The following DNAH3 variants were observed in gnomAD, a reference collection of about 807,000 sequenced individuals.
DNAH3 encodes the protein axonemal beta dynein heavy chain 3.
DNAH3 carries 332 observed loss-of-function variants against 432.5 expected under a neutral mutation model. That is an observed-to-expected ratio of 0.77 (90% CI 0.70 to 0.84). DNAH3 has a LOEUF of 0.84. DNAH3 is among the 40% of genes least tolerant of loss of function. DNAH3 has a pLI of 0.00. For synonymous variants in DNAH3, 1,956 were observed against 1,900.2 expected, an observed-to-expected ratio of 1.03 and a Z score of -0.76; for missense variants, 4,861 against 5,114.0, an observed-to-expected ratio of 0.95 and a Z score of 1.51.
chr16:21,039,213 G>GTTTTTTTTTTTTTTTTTTTT (rs1567681489), intron 33 of DNAH3, among the ~76,000 whole-genome samples: 3 of 103,628 alleles, frequency 2.9e-5, no homozygotes, highest in South Asian at 3.5e-4. Context: ...TTATAGTGTT[G>GTTTTTTTTTTTTTTTTTTTT]CTTTTTTTTT....
intron 44 of DNAH3, among the ~76,000 whole-genome samples, chr16:20,991,203 T>C (rs2086540501): frequency 6.6e-6 from 1 of 152,136 alleles, no homozygotes; most frequent in East Asian, 1.9e-4. Context: ...ACCATCCAAG[T>C]GTTTATTTGT....
intron 44 of DNAH3, among the ~76,000 whole-genome samples, chr16:20,990,764 G>A (rs1757052637): frequency 6.6e-6 from 1 of 152,080 alleles, no homozygotes; most frequent in South Asian, 2.1e-4. Flanking sequence ...GCTCACTCCT[G>A]TAATCCCAGC....
intron 19 of DNAH3, 135 bp downstream of exon 19, chr16:21,086,714 T>C (rs1597348791): frequency 1.3e-6 from 1 of 767,990 alleles, no homozygotes; most frequent in African/African-American, 1.7e-5. Flanking sequence ...TCTCATTTGC[T>C]ATCCCTTTGC....
In DNAH3 at chr16:20,952,565, C is replaced by T. The variant is rs1009078791; in HGVS notation, c.11072-16G>A. 2 of 1,502,986 alleles carry T rather than the reference C, an allele frequency of 1.3e-6. No individual in the cohort carries two copies. Among genetic ancestry groups the T allele is most frequent in the Non-Finnish European group, 1.9e-6 (2 of 1,079,690 alleles). 93.1% of individuals were successfully genotyped at this position (1,502,986 alleles called of 1,614,324 possible). A position where few individuals can be genotyped will look rare whatever the true frequency, so the allele number is the denominator to read the frequency against. ...ATATTCCACCCTGCGTGTGGGAGAG[C>T]AGAGAGAGGCTTCAGTGCTGAGAGC... is the stretch of plus-strand genomic sequence containing the variant. On this transcript the variant is annotated splice_polypyrimidine_tract_variant and intron_variant, in intron 55 of 61. Transcript: ENST00000261383.
chr16:21,029,667 T>G (rs2088772475), intron 37 of DNAH3, among the ~76,000 whole-genome samples: 1 of 152,232 alleles, frequency 6.6e-6, no homozygotes, highest in South Asian at 2.1e-4. Context: ...GGCGCCATAC[T>G]TACTGTGTTA....
intron 41 of DNAH3, among the ~76,000 whole-genome samples, chr16:21,017,145 C>A (rs1597148034): frequency 6.6e-6 from 1 of 152,084 alleles, no homozygotes; most frequent in Admixed American, 6.6e-5. Flanking sequence ...TACAAATGGT[C>A]AAAATGGTAA....
chr16:21,104,109 A>AT (rs2091896941), intron 16 of DNAH3: 1 of 179,740 alleles, frequency 5.6e-6, no homozygotes. Flanking sequence ...TATTATCTTG[A>AT]TATCTTGATA....
intron 15 of DNAH3, 80 bp from the exon 16 acceptor site, chr16:21,104,674 C>T: frequency 2.5e-6 from 2 of 800,502 alleles, no homozygotes; most frequent in Non-Finnish European, 2.1e-6. Context: ...TTAGACAGAA[C>T]AAGAGGTCAA....
At chr16:20,978,184 A>AAC (rs2085683772) in intron 50 of DNAH3, among the ~76,000 whole-genome samples, 1 of 152,188 alleles carries the variant, frequency 6.6e-6, no homozygotes, top group East Asian at 1.9e-4. Context: ...TCATCTTCAT[A>AAC]ACAGCCCTAT....
chr16:20,992,458 G>A (rs541073177), intron 44 of DNAH3, among the ~76,000 whole-genome samples: 3 of 152,272 alleles, frequency 2.0e-5, no homozygotes, highest in South Asian at 2.1e-4. Flanking sequence ...CCATTCTCCC[G>A]CCTCAGCCTC....
At chr16:21,042,283 A>G in intron 31 of DNAH3, 80 bp from the exon 32 acceptor site, 2 of 1,425,870 alleles carry the variant, frequency 1.4e-6, no homozygotes, top group South Asian at 2.9e-5. Flanking sequence ...CCTCCCACAT[A>G]GCAAAGAAAG....
chr16:21,029,393 T>C (rs2088755624), intron 37 of DNAH3, among the ~76,000 whole-genome samples: 1 of 152,230 alleles, frequency 6.6e-6, no homozygotes, highest in African/African-American at 2.4e-5. Flanking sequence ...CTTGAGATGA[T>C]GATAAATTTT....
intron 1 of DNAH3, among the ~76,000 whole-genome samples, chr16:21,157,642 T>A (rs1168263786): frequency 6.6e-6 from 1 of 152,142 alleles, no homozygotes; most frequent in East Asian, 1.9e-4. Context: ...CTTTTTGTTA[T>A]CTAAAGACTT....
At chr16:20,973,680 T>C (rs1055348823) in intron 51 of DNAH3, among the ~76,000 whole-genome samples, 1 of 152,266 alleles carries the variant, frequency 6.6e-6, no homozygotes, top group Admixed American at 6.5e-5. Context: ...TTCTACTACG[T>C]GAACGTAGGT....
intron 18 of DNAH3, 81 bp downstream of exon 18, chr16:21,097,274 T>C: frequency 6.5e-7 from 1 of 1,545,778 alleles, no homozygotes; most frequent in Non-Finnish European, 8.9e-7. Context: ...GATTCTTAAG[T>C]GCAAACCATA....
chr16:20,992,537 G>A (rs2086600949), intron 44 of DNAH3, among the ~76,000 whole-genome samples: 2 of 152,046 alleles, frequency 1.3e-5, no homozygotes, highest in Non-Finnish European at 2.9e-5. Context: ...TAGTAGAGAC[G>A]GGGTTTCACC....
At chr16:21,132,774 T>C (rs1653932309) in intron 7 of DNAH3, among the ~76,000 whole-genome samples, 1 of 152,188 alleles carries the variant, frequency 6.6e-6, no homozygotes, top group African/African-American at 2.4e-5. Flanking sequence ...AATGGGTTTC[T>C]TTTTGGGGTA....
exon 46 of DNAH3, chr16:20,987,750 C>T: frequency 6.2e-7 from 1 of 1,614,160 alleles, no homozygotes; most frequent in Non-Finnish European, 8.5e-7. Flanking sequence ...AGAAGTCCCG[C>T]AGGTTAAAGA....
At chr16:20,943,757 G>A (rs1045203183) in intron 58 of DNAH3, among the ~76,000 whole-genome samples, 1 of 152,142 alleles carries the variant, frequency 6.6e-6, no homozygotes, top group Non-Finnish European at 1.5e-5. Flanking sequence ...AACGCAAGCA[G>A]ATTGCTTGAG....
Sources: gnomAD v4.1 joint callset for allele counts (sites outside exome capture counted in the v4.1 genomes callset) on GRCh38, gnomAD v4.1.1 for gene constraint, MANE v1.5 for transcripts, NCBI Gene and HGNC (gene_info 2026-07-23, HGNC 2026-07-21) for gene names.